The following EPB41L4A variants were observed in gnomAD, a reference collection of about 807,000 sequenced individuals.
EPB41L4A encodes band 4.1-like protein 4A.
Under a neutral mutation model 108.6 loss-of-function variants are expected in EPB41L4A, and 100 were observed. The observed-to-expected ratio is 0.92, with a 90% CI of 0.78 to 1.09. The LOEUF is 1.09. EPB41L4A is among the 50% of genes least tolerant of loss of function. EPB41L4A has a pLI of 0.00. For missense variants in EPB41L4A, 1,030 were observed against 842.7 expected (o/e 1.22, Z -2.75); for synonymous variants, 319 against 289.0 (o/e 1.10, Z -1.05).
chr5:112,391,906 G>A (rs960277795), intron 1 of EPB41L4A, among the ~76,000 whole-genome samples: 1 of 152,216 alleles, frequency 6.6e-6, no homozygotes, highest in Admixed American at 6.5e-5. Context: ...CGAGAAGAGA[G>A]TGGGGGCCAG....
chr5:112,238,457 C>T (rs181866864), intron 11 of EPB41L4A, among the ~76,000 whole-genome samples: 26 of 152,286 alleles, frequency 1.7e-4, no homozygotes, highest in Admixed American at 5.2e-4. Flanking sequence ...GATGAATGCA[C>T]TGAACGTTTA....
chr5:112,161,103 TG>T (rs151031117), downstream of EPB41L4A: 27,396 of 163,082 alleles, frequency 0.17, 2,459 homozygotes, highest in Non-Finnish European at 0.21. Flanking sequence ...TTCGTCGATT[TG>T]TGTTTACATC....
At chr5:112,269,609 C>A (rs1227251279) in intron 4 of EPB41L4A, among the ~76,000 whole-genome samples, 1 of 152,106 alleles carries the variant, frequency 6.6e-6, no homozygotes, top group Non-Finnish European at 1.5e-5. Flanking sequence ...ATGTGCCAGT[C>A]TGCCTAGGAG....
chr5:112,266,668 C>T (rs764610909), intron 4 of EPB41L4A, among the ~76,000 whole-genome samples: 19 of 152,310 alleles, frequency 1.2e-4, no homozygotes, highest in Non-Finnish European at 1.2e-4. Context: ...ACAGCATCCA[C>T]CTCACAGGGT....
intron 12 of EPB41L4A, among the ~76,000 whole-genome samples, chr5:112,219,964 G>A (rs897908014): frequency 3.3e-5 from 5 of 152,148 alleles, no homozygotes; most frequent in African/African-American, 4.8e-5. Context: ...CCAAAGTGCT[G>A]GGATTACAGG....
At chr5:112,342,147 CAAAT>C (rs751190686) in intron 1 of EPB41L4A, among the ~76,000 whole-genome samples, 21 of 152,152 alleles carry the variant, frequency 1.4e-4, no homozygotes, top group South Asian at 1.2e-3. Flanking sequence ...AAGAAGTTAA[CAAAT>C]AACCATTTTT....
At chr5:112,322,200 T>C (rs1755826399) in intron 1 of EPB41L4A, among the ~76,000 whole-genome samples, 1 of 152,230 alleles carries the variant, frequency 6.6e-6, no homozygotes, top group African/African-American at 2.4e-5. Flanking sequence ...ATGTGAAACT[T>C]ATTTAACCAT....
chr5:112,145,783 G>A, intron 13 of EPB41L4A: 1 of 318,036 alleles, frequency 3.1e-6, no homozygotes, highest in Non-Finnish European at 6.2e-6. Flanking sequence ...AAGAATTAAA[G>A]AAAAAGGCCA....
chr5:112,350,291 C>T (rs1490237066), intron 1 of EPB41L4A, among the ~76,000 whole-genome samples: 1 of 152,186 alleles, frequency 6.6e-6, no homozygotes, highest in African/African-American at 2.4e-5. Flanking sequence ...GCTAAGGTCT[C>T]ACTCCCCAGA....
At chr5:112,268,578 A>G (rs35203309) in intron 4 of EPB41L4A, among the ~76,000 whole-genome samples, 57,716 of 151,192 alleles carry the variant, frequency 0.38, 12,084 homozygotes, top group South Asian at 0.65. Flanking sequence ...CTTTGTGCAC[A>G]GTGGTTCACA....
chr5:112,361,703 T>TAA (rs200811023), intron 1 of EPB41L4A, among the ~76,000 whole-genome samples: 5 of 140,094 alleles, frequency 3.6e-5, no homozygotes, highest in African/African-American at 5.3e-5. Context: ...CCAAAAATGC[T>TAA]AAAAAAAAAT....
At chr5:112,327,674 C>T (rs1269458418) in intron 1 of EPB41L4A, among the ~76,000 whole-genome samples, 1 of 151,962 alleles carries the variant, frequency 6.6e-6, no homozygotes, top group Non-Finnish European at 1.5e-5. Flanking sequence ...GCTATGATCA[C>T]ACCATTGCAC....
chr5:112,250,280 TTACA>T (rs1169258217), intron 9 of EPB41L4A, among the ~76,000 whole-genome samples: 3 of 152,186 alleles, frequency 2.0e-5, no homozygotes, highest in African/African-American at 7.2e-5. Flanking sequence ...TGATAAATAA[TTACA>T]TACAAATATT....
intron 12 of EPB41L4A, among the ~76,000 whole-genome samples, chr5:112,219,986 G>T (rs1049597692): frequency 6.6e-6 from 1 of 152,214 alleles, no homozygotes; most frequent in African/African-American, 2.4e-5. Context: ...ATCAGCCACT[G>T]TGCCCTGCCA....
chr5:112,143,785 A>G, exon 14 of EPB41L4A: 1 of 444,064 alleles, frequency 2.3e-6, no homozygotes, highest in East Asian at 7.1e-5. Flanking sequence ...ACGTGTTAAT[A>G]CCTGAACCAA....
intron 3 of EPB41L4A, 48 bp from the exon 4 acceptor site, chr5:112,275,452 CA>C (rs770997927): frequency 2.0e-5 from 29 of 1,479,226 alleles, no homozygotes; most frequent in Non-Finnish European, 2.6e-5. Flanking sequence ...ATAAATTAGT[CA>C]AAGTTACAGT....
chr5:112,244,334 A>G (rs984141411), intron 9 of EPB41L4A, among the ~76,000 whole-genome samples: 1 of 152,222 alleles, frequency 6.6e-6, no homozygotes, highest in African/African-American at 2.4e-5. Context: ...AACATCAAAG[A>G]TCACTGATCA....
chr5:112,179,059 CAGGGAGA>C (rs1181020191), intron 18 of EPB41L4A, among the ~76,000 whole-genome samples: 1 of 151,846 alleles, frequency 6.6e-6, no homozygotes, highest in Non-Finnish European at 1.5e-5. Flanking sequence ...GTTAAAAGCA[CAGGGAGA>C]ATTATAAGCA....
At chr5:112,419,674 G>A (rs1203693573), upstream of EPB41L4A, 5 of 456,628 alleles carry the variant, frequency 1.1e-5, no homozygotes, top group East Asian at 3.5e-4. Flanking sequence ...AGAGGCGAAG[G>A]TCGTCGCTCC....
Sources: gnomAD v4.1 joint callset for allele counts (sites outside exome capture counted in the v4.1 genomes callset) on GRCh38, gnomAD v4.1.1 for gene constraint, MANE v1.5 for transcripts, NCBI Gene and HGNC (gene_info 2026-07-23, HGNC 2026-07-21) for gene names.